Variants in TMEM87A observed in about 807,000 individuals in gnomAD.
TMEM87A encodes the protein Golgi-pH regulating cation channel.
TMEM87A carries 50 observed loss-of-function variants against 90.0 expected under a neutral mutation model. The observed-to-expected ratio is 0.56, with a 90% CI of 0.44 to 0.70. The LOEUF is 0.70. TMEM87A is among the 30% of genes least tolerant of loss of function. The pLI, the probability that TMEM87A is intolerant of heterozygous loss-of-function variation, is 0.00. For synonymous variants in TMEM87A, 226 were observed against 226.7 expected (o/e 1.00, Z 0.03); for missense variants, 577 against 660.5 (o/e 0.87, Z 1.39).
chr15:42,248,592 T>C lies in TMEM87A; in HGVS notation c.505-4425A>G, dbSNP rs535255677. On this transcript the variant is annotated intron_variant, in intron 6 of 19. Transcript: ENST00000389834. Reference sequence around the variant, plus strand: ...TTATGTGATGGATTACGTTTATTGATTTGCATATGTTGAACCACCCTTGCA... The same window carrying C: ...TTATGTGATGGATTACGTTTATTGACTTGCATATGTTGAACCACCCTTGCA... Among the ~76,000 whole-genome samples, 6 of 152,326 alleles carry C rather than the reference T, an allele frequency of 3.9e-5. No individual in the cohort carries two copies. The South Asian group carries it at 1.0e-3, about 26-fold the overall frequency.
intron 15 of TMEM87A, among the ~76,000 whole-genome samples, chr15:42,220,807 T>A (rs1357877518): frequency 6.6e-6 from 1 of 152,154 alleles, no homozygotes; most frequent in African/African-American, 2.4e-5. Context: ...TTATTTATTT[T>A]TTGAGACGGA....
At chr15:42,258,297 A>G in intron 6 of TMEM87A, 1 of 711,064 alleles carries the variant, frequency 1.4e-6, no homozygotes, top group Non-Finnish European at 1.7e-6. Flanking sequence ...GCCCATATAC[A>G]AAAGAATAGG....
intron 12 of TMEM87A, among the ~76,000 whole-genome samples, chr15:42,230,360 C>T (rs16972887): frequency 0.11 from 16,725 of 152,216 alleles, 1,359 homozygotes; most frequent in African/African-American, 0.2. Context: ...TATACAGCAA[C>T]CCACTCAAAT....
intron 2 of TMEM87A, among the ~76,000 whole-genome samples, chr15:42,271,819 T>C (rs540006587): frequency 6.6e-6 from 1 of 150,880 alleles, no homozygotes; most frequent in South Asian, 2.1e-4. Flanking sequence ...TTATATATAC[T>C]AATATATAAT....
At chr15:42,271,934 T>C (rs1299634000) in intron 2 of TMEM87A, 129 bp downstream of exon 2, 5 of 730,114 alleles carry the variant, frequency 6.8e-6, no homozygotes, top group Non-Finnish European at 1.1e-5. Flanking sequence ...ACCTTAGTAA[T>C]ACTAAAAATA....
intron 19 of TMEM87A, among the ~76,000 whole-genome samples, chr15:42,215,926 A>G (rs2050376460): frequency 6.6e-6 from 1 of 152,220 alleles, no homozygotes; most frequent in Non-Finnish European, 1.5e-5. Flanking sequence ...TCAAAGAGAA[A>G]TGTGCACTCC....
chr15:42,270,396 C>T (rs967003391), intron 2 of TMEM87A, among the ~76,000 whole-genome samples: 4 of 151,760 alleles, frequency 2.6e-5, no homozygotes, highest in African/African-American at 9.7e-5. Flanking sequence ...AAATAAAGTG[C>T]CTCAAATCCT....
At chr15:42,215,463 G>A (rs1169790742) in intron 19 of TMEM87A, among the ~76,000 whole-genome samples, 6 of 152,150 alleles carry the variant, frequency 3.9e-5, no homozygotes, top group East Asian at 1.9e-4. Flanking sequence ...TATGTGGTCC[G>A]TTGCTGACTG....
In TMEM87A at chr15:42,258,712, C is replaced by T. The variant is rs891281933; in HGVS notation, c.504+2246G>A. The T allele has an allele frequency of 3.8e-6, 5 of 1,303,302 alleles. No individual in the cohort carries two copies. The African/African-American group carries it at 7.5e-5, about 20-fold the overall frequency. The allele number at this position is 1,303,302 out of a possible 1,614,324, so 80.7% of individuals were successfully genotyped here. ...AAAGTGTTGGCATTACAGGCGTGAG[C>T]CACTGTACCCAGTCCTAATGGCTAT... is the stretch of plus-strand genomic sequence containing the variant. On this transcript the variant is annotated intron_variant, in intron 6 of 19. Coordinates refer to ENST00000389834, the MANE Select transcript of TMEM87A (RefSeq NM_015497.5).
chr15:42,266,737 T>G (rs2051413778), intron 3 of TMEM87A, among the ~76,000 whole-genome samples: 1 of 152,142 alleles, frequency 6.6e-6, no homozygotes, highest in Non-Finnish European at 1.5e-5. Context: ...AAATTATTAA[T>G]GTTATTAAAT....
chr15:42,237,216 T>C (rs902890152), intron 9 of TMEM87A, among the ~76,000 whole-genome samples: 2 of 152,238 alleles, frequency 1.3e-5, no homozygotes, highest in African/African-American at 4.8e-5. Flanking sequence ...ACTACTGTTG[T>C]GACTTTTGTG....
At chr15:42,232,311 C>CA (rs1209080619) in intron 11 of TMEM87A, among the ~76,000 whole-genome samples, 14 of 152,242 alleles carry the variant, frequency 9.2e-5, no homozygotes, top group South Asian at 8.3e-4. Flanking sequence ...AGCCTGAACT[C>CA]AATCAGTCCT....
chr15:42,273,233 C>G, intron 1 of TMEM87A, 22 bp downstream of exon 1: 3 of 1,613,746 alleles, frequency 1.9e-6, no homozygotes, highest in Non-Finnish European at 2.5e-6. Flanking sequence ...TAGGTTCAGA[C>G]GTTAGTGAAG....
At position 42,264,117 on chromosome 15, in the gene TMEM87A, C is replaced by T; in HGVS notation, c.378G>A (p.Gln126=). The T allele has an allele frequency of 1.9e-6, 3 of 1,613,582 alleles. No homozygotes were observed. Among genetic ancestry groups the T allele is most frequent in the South Asian group, 1.1e-5 (1 of 91,002 alleles). Residue 126 remains glutamine, a synonymous_variant, in exon 4 of 20, where the codon CAG becomes CAA. Coordinates refer to ENST00000389834, the MANE Select transcript of TMEM87A (RefSeq NM_015497.5). ...GKYQTSSKLF[Q]NCSELFKTQT... is the part of the protein sequence containing the mutation. ...GTGTTTTAAAGAGTTCACTGCAGTTCTGGAACAATTTTGATGATGTTTGAT... is the reference window on the plus strand; with the variant it reads ...GTGTTTTAAAGAGTTCACTGCAGTTTTGGAACAATTTTGATGATGTTTGAT...
intron 6 of TMEM87A, chr15:42,258,480 G>A (rs890654373): frequency 2.6e-5 from 12 of 457,046 alleles, no homozygotes; most frequent in Admixed American, 6.3e-5. Flanking sequence ...AGGCTGGAGT[G>A]CAGTAGCGTG....
rs575331083 is a variant in TMEM87A, at chr15:42,248,229, CAG to C, written c.505-4064_505-4063del. On this transcript the variant is annotated intron_variant, in intron 6 of 19. Transcript: ENST00000389834. ...AATATACAATCATGTCATCTGCAAA[CAG>C]GGACAATTTGACTTCCTCTTTTCCT... Among the ~76,000 whole-genome samples the C allele has an allele frequency of 8.8e-3, 1,342 of 152,262 alleles. 20 individuals carry two copies. Among genetic ancestry groups the C allele is most frequent in the African/African-American group, 0.031 (1,276 of 41,524 alleles).
chr15:42,240,775 A>T (rs1043753529), intron 7 of TMEM87A, among the ~76,000 whole-genome samples: 2 of 152,224 alleles, frequency 1.3e-5, no homozygotes, highest in East Asian at 3.8e-4. Flanking sequence ...ATATACCATT[A>T]TTTAAAGTAA....
chr15:42,224,483 C>T (rs1003403841), intron 15 of TMEM87A: 2 of 152,134 alleles, frequency 1.3e-5, no homozygotes, highest in South Asian at 2.1e-4. Context: ...GAAGAGAGAC[C>T]GAACACCAGG....
At position 42,258,432 on chromosome 15, in the gene TMEM87A, T is replaced by C. The variant is rs375128149; in HGVS notation, c.504+2526A>G. ...AAGAGAAAATCCAATGAATATCTTT[T>C]TTCTTTTTTTTTTGAGATGGAATCT... On this transcript the variant is annotated intron_variant, in intron 6 of 19. Transcript: ENST00000389834. 8.8e-6 allele frequency: 6 copies of C among 680,860 alleles called. No individual in the cohort carries two copies. The African/African-American group carries it at 1.2e-4, about 13-fold the overall frequency. 42.2% of individuals were successfully genotyped at this position (680,860 alleles called of 1,614,324 possible).
Sources: gnomAD v4.1 joint callset for allele counts (sites outside exome capture counted in the v4.1 genomes callset) on GRCh38, gnomAD v4.1.1 for gene constraint, MANE v1.5 for transcripts, NCBI Gene and HGNC (gene_info 2026-07-23, HGNC 2026-07-21) for gene names.